Variants in TDRD12 observed in about 807,000 individuals in gnomAD.
TDRD12 encodes the protein tudor domain containing 12.
Under a neutral mutation model 133.5 loss-of-function variants are expected in TDRD12, and 158 were observed. The observed-to-expected ratio is 1.18, with a 90% CI of 1.04 to 1.35. TDRD12 has a LOEUF of 1.35. Ranked by LOEUF, TDRD12 falls within the 40% of genes most tolerant of loss-of-function variation. The pLI is 0.00. For missense variants in TDRD12, 1,443 were observed against 1,321.3 expected, an observed-to-expected ratio of 1.09 and a Z score of -1.43; for synonymous variants, 460 against 477.9, an observed-to-expected ratio of 0.96 and a Z score of 0.49.
chr19:32,778,309 G>A (rs1568472793), intron 11 of TDRD12, among the ~76,000 whole-genome samples: 1 of 151,926 alleles, frequency 6.6e-6, no homozygotes, highest in African/African-American at 2.4e-5. Context: ...CACAGAGTTG[G>A]GGATGGCTGT....
rs148412259 is a variant in TDRD12 at position 32,810,345 on chromosome 19, G to A, written c.2837+68G>A. 610 of 1,289,892 alleles carry A rather than the reference G, an allele frequency of 4.7e-4. 3 individuals are homozygous for A. The African/African-American group carries it at 8.1e-3, about 17-fold the overall frequency. 79.9% of individuals were successfully genotyped at this position (1,289,892 alleles called of 1,614,324 possible). A position where few individuals can be genotyped will look rare whatever the true frequency, so the allele number is the denominator to read the frequency against. ...AGGTAACTAAGTGGTGTTGAGTTCC[G>A]ATTTTGACCTCTGTCCATTTGACTG... On this transcript the variant is annotated intron_variant, in intron 23 of 27. Coordinates refer to ENST00000444215, the Ensembl canonical transcript of TDRD12.
At chr19:32,806,435 C>T (rs1340611767) in intron 21 of TDRD12, among the ~76,000 whole-genome samples, 6 of 150,768 alleles carry the variant, frequency 4.0e-5, no homozygotes, top group South Asian at 2.1e-4. Context: ...CTCCGCCTCC[C>T]GTGTTCAAGC....
At chr19:32,729,215 T>C (rs1968960757) in intron 1 of TDRD12, among the ~76,000 whole-genome samples, 1 of 147,560 alleles carries the variant, frequency 6.8e-6, no homozygotes, top group South Asian at 2.1e-4. Context: ...TTTCTTTTTT[T>C]TTTTTGTTTT....
At chr19:32,758,607 A>G (rs1970063058) in intron 8 of TDRD12, among the ~76,000 whole-genome samples, 1 of 152,092 alleles carries the variant, frequency 6.6e-6, no homozygotes, top group Admixed American at 6.6e-5. Context: ...CCCAGATTGT[A>G]AAAACCTGTC....
rs1969470298 is a variant in TDRD12, at chr19:32,742,765, C to T, written c.321-16C>T. On this transcript the variant is annotated splice_polypyrimidine_tract_variant and intron_variant, in intron 3 of 27. Coordinates refer to ENST00000444215, the Ensembl canonical transcript of TDRD12. ...AATTTTCTATATAATGGAGCTGTTTCTGTTTTACTTTTTAGCATCCGAGTT... is the reference window on the plus strand; with the variant it reads ...AATTTTCTATATAATGGAGCTGTTTTTGTTTTACTTTTTAGCATCCGAGTT... 1 of 1,549,180 alleles carries T rather than the reference C, an allele frequency of 6.5e-7. No homozygotes were observed. Among genetic ancestry groups the T allele is most frequent in the Non-Finnish European group, 8.7e-7 (1 of 1,146,312 alleles).
rs538557092 is a variant in TDRD12, at chr19:32,721,721, A to G, written c.24+1625A>G. Among the ~76,000 whole-genome samples the G allele has an allele frequency of 1.0e-4, 13 of 126,572 alleles. No homozygotes were observed. The East Asian group carries it at 3.0e-3, about 29-fold the overall frequency. The allele number at this position is 126,572 out of a possible 152,430, so 83.0% of individuals were successfully genotyped here. A position where few individuals can be genotyped will look rare whatever the true frequency, so the allele number is the denominator to read the frequency against. ...ATTTTATTTTATTTTATTTTATTTT[A>G]TTTTGAGAAGGAGTCTTGCTCAGTC... On this transcript the variant is annotated intron_variant, in intron 1 of 27. Transcript: ENST00000444215.
exon 14 of TDRD12, chr19:32,794,634 C>G (rs1408875218): frequency 2.8e-6 from 2 of 702,032 alleles, no homozygotes; most frequent in African/African-American, 3.5e-5. Context: ...GTAGGCTCTT[C>G]AAAGAAATAA....
intron 21 of TDRD12, among the ~76,000 whole-genome samples, chr19:32,804,524 T>C (rs1255507287): frequency 2.0e-5 from 3 of 151,112 alleles, no homozygotes; most frequent in Non-Finnish European, 3.0e-5. Context: ...AAACCCCGTC[T>C]CTACTAAAAA....
intron 11 of TDRD12, among the ~76,000 whole-genome samples, chr19:32,783,251 T>C (rs1054453922): frequency 9.2e-5 from 14 of 152,168 alleles, no homozygotes; most frequent in Admixed American, 3.3e-4. Flanking sequence ...GTGTGTCAGG[T>C]TTGTCAAAGA....
At chr19:32,805,445 T>A (rs2145713184) in intron 21 of TDRD12, among the ~76,000 whole-genome samples, 1 of 151,862 alleles carries the variant, frequency 6.6e-6, no homozygotes, top group Non-Finnish European at 1.5e-5. Flanking sequence ...CAAGGTTTGA[T>A]TTTTCCATAT....
At chr19:32,751,811 G>C (rs1485895887) in intron 6 of TDRD12, among the ~76,000 whole-genome samples, 4 of 152,024 alleles carry the variant, frequency 2.6e-5, no homozygotes, top group African/African-American at 7.3e-5. Context: ...TCCTCCCAAA[G>C]TGCTGGTATC....
downstream of TDRD12, among the ~76,000 whole-genome samples, chr19:32,821,901 C>T (rs895508537): frequency 3.9e-5 from 6 of 152,178 alleles, no homozygotes; most frequent in Non-Finnish European, 5.9e-5. Context: ...GCTAATTGCA[C>T]GGACTTAGCA....
chr19:32,800,307 C>A lies in TDRD12; in HGVS notation c.1899C>A (p.Tyr633Ter). 6.5e-7 allele frequency: 1 copy of A among 1,527,738 alleles called. No homozygotes were observed. Among genetic ancestry groups the A allele is most frequent in the Non-Finnish European group, 8.7e-7 (1 of 1,144,836 alleles). The allele number at this position is 1,527,738 out of a possible 1,614,324, so 94.6% of individuals were successfully genotyped here. ...TCAAAGAGTTCATGAATGATCCCTA[C>A]ATTGTGATCACAGCCATGGAAGAGG... Residue 633 changes from tyrosine to a stop codon, truncating the protein, a stop_gained, in exon 17 of 28, where the codon TAC becomes TAA. Transcript: ENST00000444215. LOFTEE classifies it high-confidence loss of function.
intron 8 of TDRD12, among the ~76,000 whole-genome samples, chr19:32,759,116 C>G (rs1015992259): frequency 6.6e-6 from 1 of 152,124 alleles, no homozygotes; most frequent in African/African-American, 2.4e-5. Context: ...GTGGCGTGTG[C>G]CTGTAGTCCC....
chr19:32,810,086 G>A lies in TDRD12; in HGVS notation c.2653-7G>A, dbSNP rs1413294239. 11 of 1,498,694 alleles carry A rather than the reference G, an allele frequency of 7.3e-6. No homozygotes were observed. In the East Asian group the frequency reaches 2.5e-4, roughly 34 times the overall value. The allele number at this position is 1,498,694 out of a possible 1,614,324, so 92.8% of individuals were successfully genotyped here. A position where few individuals can be genotyped will look rare whatever the true frequency, so the allele number is the denominator to read the frequency against. On this transcript the variant is annotated splice_region_variant and splice_polypyrimidine_tract_variant and intron_variant, in intron 22 of 27. Coordinates refer to ENST00000444215, the Ensembl canonical transcript of TDRD12. ...TTTCTTGGTCATGTTTACTATATATGTTTCAGATAATACCTTTTTATATTT... is the reference window on the plus strand; with the variant it reads ...TTTCTTGGTCATGTTTACTATATATATTTCAGATAATACCTTTTTATATTT...
At chr19:32,766,035 A>C (rs1177534782) in intron 8 of TDRD12, among the ~76,000 whole-genome samples, 1 of 152,086 alleles carries the variant, frequency 6.6e-6, no homozygotes, top group Non-Finnish European at 1.5e-5. Flanking sequence ...AATATAGCTT[A>C]TCTAGATTTA....
chr19:32,738,724 A>G, intron 2 of TDRD12, 132 bp from the exon 3 acceptor site: 1 of 950,050 alleles, frequency 1.1e-6, no homozygotes, highest in Non-Finnish European at 1.5e-6. Context: ...GAGGCAGGAG[A>G]ATTGCTTGAA....
chr19:32,779,790 A>G (rs576595159), intron 11 of TDRD12, among the ~76,000 whole-genome samples: 5 of 152,266 alleles, frequency 3.3e-5, no homozygotes, highest in South Asian at 4.1e-4. Context: ...GACTTTGACA[A>G]TGCAGCCATA....
At chr19:32,786,755 C>T (rs1445721077) in intron 11 of TDRD12, among the ~76,000 whole-genome samples, 1 of 152,170 alleles carries the variant, frequency 6.6e-6, no homozygotes, top group Non-Finnish European at 1.5e-5. Context: ...AGTTCCCGTA[C>T]TGTGGTTTTC....
Sources: allele counts gnomAD v4.1 joint callset (sites outside exome capture counted in the v4.1 genomes callset), GRCh38; gene constraint gnomAD v4.1.1; transcripts MANE v1.5; gene names NCBI Gene and HGNC (gene_info 2026-07-23, HGNC 2026-07-21).